EYS: variants seen among roughly 807,000 people sequenced by gnomAD.
The protein encoded by EYS is EGF-like photoreceptor maintenance factor.
A neutral mutation model predicts 282.1 loss-of-function variants in EYS; 250 were observed. The observed-to-expected ratio is 0.89, with a 90% confidence interval of 0.80 to 0.98. EYS has a LOEUF of 0.98. Among genes scored for constraint, EYS ranks in the 50% least tolerant of loss-of-function variants. The probability of loss-of-function intolerance (pLI) is 0.00; values close to 1 mark genes in which losing one functional copy is unlikely to be tolerated. For synonymous variants in EYS, 1,355 were observed against 1,282.9 expected, an observed-to-expected ratio of 1.06 and a Z score of -1.20; for missense variants, 4,016 against 3,709.0, an observed-to-expected ratio of 1.08 and a Z score of -2.15.
intron 26 of EYS, among the ~76,000 whole-genome samples, chr6:64,439,811 C>T (rs555920045): frequency 6.6e-6 from 1 of 151,832 alleles, no homozygotes; most frequent in Non-Finnish European, 1.5e-5. Context: ...ATATGAGTTT[C>T]TTAACAACTC....
intron 19 of EYS, among the ~76,000 whole-genome samples, chr6:64,885,878 T>C (rs1767069965): frequency 6.6e-6 from 1 of 151,784 alleles, no homozygotes; most frequent in African/African-American, 2.4e-5. Context: ...TGTCTAGTAT[T>C]ATTTTATCCC....
At chr6:64,114,448 C>G (rs1230308749) in intron 31 of EYS, among the ~76,000 whole-genome samples, 1 of 152,074 alleles carries the variant, frequency 6.6e-6, no homozygotes, top group Non-Finnish European at 1.5e-5. Context: ...TATCCATGAA[C>G]AAAAATAGCC....
At chr6:64,645,317 T>C (rs1363042516) in intron 22 of EYS, among the ~76,000 whole-genome samples, 1 of 152,212 alleles carries the variant, frequency 6.6e-6, no homozygotes, top group African/African-American at 2.4e-5. Flanking sequence ...AATAAGGTGC[T>C]TAAACAACTT....
intron 32 of EYS, among the ~76,000 whole-genome samples, 185 bp downstream of exon 32, chr6:64,081,671 A>G (rs1052203638): frequency 6.6e-6 from 1 of 152,190 alleles, no homozygotes; most frequent in Admixed American, 6.6e-5. Context: ...GTCACGTTCC[A>G]TTGAATGACT....
At chr6:65,187,164 C>A (rs1424976062) in intron 12 of EYS, among the ~76,000 whole-genome samples, 1 of 151,660 alleles carries the variant, frequency 6.6e-6, no homozygotes, top group African/African-American at 2.4e-5. Flanking sequence ...TAGGCACACA[C>A]AACATTTATT....
intron 30 of EYS, among the ~76,000 whole-genome samples, chr6:64,271,849 TA>T: frequency 6.6e-6 from 1 of 152,238 alleles, no homozygotes; most frequent in South Asian, 2.1e-4. Context: ...TTTATTTATT[TA>T]TTTTTTTGAG....
intron 22 of EYS, among the ~76,000 whole-genome samples, chr6:64,658,868 C>T (rs1438610772): frequency 6.6e-6 from 1 of 152,220 alleles, no homozygotes; most frequent in African/African-American, 2.4e-5. Context: ...GAATTGAACT[C>T]AGCTCTGCAC....
intron 22 of EYS, among the ~76,000 whole-genome samples, chr6:64,755,702 G>C (rs1382568727): frequency 6.6e-6 from 1 of 151,992 alleles, no homozygotes; most frequent in Admixed American, 6.6e-5. Flanking sequence ...TGTGTACACA[G>C]GGGCATAGAG....
chr6:64,304,959 A>C (rs1769382273), intron 30 of EYS, among the ~76,000 whole-genome samples: 1 of 152,180 alleles, frequency 6.6e-6, no homozygotes, highest in African/African-American at 2.4e-5. Flanking sequence ...AAACTTAATA[A>C]GCTAAAAAAG....
At chr6:64,740,626 G>A (rs1483249680) in intron 22 of EYS, among the ~76,000 whole-genome samples, 1 of 151,988 alleles carries the variant, frequency 6.6e-6, no homozygotes, top group East Asian at 1.9e-4. Context: ...ATATGTCTGT[G>A]AGACACATTA....
At chr6:65,591,620 T>G (rs1325370714) in intron 2 of EYS, among the ~76,000 whole-genome samples, 3 of 152,028 alleles carry the variant, frequency 2.0e-5, no homozygotes, top group African/African-American at 4.8e-5. Context: ...CTGAATTTAC[T>G]AATTTAACCT....
chr6:64,673,897 A>T (rs1290041009), intron 22 of EYS, among the ~76,000 whole-genome samples: 1 of 152,114 alleles, frequency 6.6e-6, no homozygotes, highest in Non-Finnish European at 1.5e-5. Flanking sequence ...TTTATGTTTT[A>T]AATAAAATCA....
chr6:65,579,697 G>C (rs1277731153), intron 2 of EYS, among the ~76,000 whole-genome samples: 1 of 151,968 alleles, frequency 6.6e-6, no homozygotes, highest in Non-Finnish European at 1.5e-5. Flanking sequence ...CCATTCTATC[G>C]AGTTAGAAAC....
chr6:63,826,464 G>C (rs974661438), intron 36 of EYS, among the ~76,000 whole-genome samples: 31 of 152,312 alleles, frequency 2.0e-4, no homozygotes, highest in African/African-American at 7.0e-4. Context: ...AATTAAGACA[G>C]AGGAAAGAAT....
At chr6:64,664,673 A>G (rs1461100276) in intron 22 of EYS, among the ~76,000 whole-genome samples, 7 of 152,124 alleles carry the variant, frequency 4.6e-5, no homozygotes, top group African/African-American at 1.7e-4. Context: ...GCTCTAATGA[A>G]TAGGAGTATT....
intron 22 of EYS, among the ~76,000 whole-genome samples, chr6:64,649,510 T>C (rs1023171235): frequency 6.6e-6 from 1 of 152,104 alleles, no homozygotes; most frequent in Non-Finnish European, 1.5e-5. Flanking sequence ...TGGCTAGTAG[T>C]AGAAACTTTA....
At chr6:65,282,918 A>T (rs2150276793) in intron 12 of EYS, among the ~76,000 whole-genome samples, 1 of 152,028 alleles carries the variant, frequency 6.6e-6, no homozygotes, top group Non-Finnish European at 1.5e-5. Context: ...TTTCTCAAAA[A>T]GTTTCATGTA....
chr6:64,613,680 G>A (rs904674752), intron 24 of EYS, among the ~76,000 whole-genome samples: 1 of 152,094 alleles, frequency 6.6e-6, no homozygotes, highest in African/African-American at 2.4e-5. Context: ...ATGAAATGCT[G>A]GAGGCTCAGT....
chr6:65,122,983 T>A (rs1775607847), intron 12 of EYS, among the ~76,000 whole-genome samples: 1 of 152,090 alleles, frequency 6.6e-6, no homozygotes. Flanking sequence ...TAGTCGTGAT[T>A]TCTAAAAAAA....
Sources: allele counts gnomAD v4.1 joint callset (sites outside exome capture counted in the v4.1 genomes callset), GRCh38; gene constraint gnomAD v4.1.1; transcripts MANE v1.5; gene names NCBI Gene and HGNC (gene_info 2026-07-23, HGNC 2026-07-21).